The following ANKRD10 variants were observed in gnomAD, a reference collection of about 807,000 sequenced individuals.
The protein encoded by ANKRD10 is ankyrin repeat domain 10.
ANKRD10 carries 14 observed loss-of-function variants against 27.0 expected under a neutral mutation model. That is an observed-to-expected ratio of 0.52 (90% CI 0.34 to 0.81). The LOEUF is 0.81. Among genes scored for constraint, ANKRD10 ranks in the 40% least tolerant of loss-of-function variants. The pLI is 0.01. For synonymous variants in ANKRD10, 250 were observed against 224.5 expected, an observed-to-expected ratio of 1.11 and a Z score of -1.01; for missense variants, 493 against 544.0, an observed-to-expected ratio of 0.91 and a Z score of 0.93.
chr13:110,894,782 A>C (rs1050172602), intron 3 of ANKRD10: 1 of 152,210 alleles, frequency 6.6e-6, no homozygotes. Context: ...ATGAATGGCC[A>C]TGAGTATTTT....
At chr13:110,880,264 A>C in intron 5 of ANKRD10, 152 bp from the exon 6 acceptor site, 1 of 687,638 alleles carries the variant, frequency 1.5e-6, no homozygotes, top group Non-Finnish European at 2.4e-6. Context: ...ATCAATGTGC[A>C]TAAGTAGACT....
intron 1 of ANKRD10, 197 bp downstream of exon 1, chr13:110,914,528 C>T: frequency 4.4e-6 from 3 of 688,320 alleles, no homozygotes; most frequent in Non-Finnish European, 6.0e-6. Flanking sequence ...CCCCGCGCCC[C>T]CCGGCTGCCC....
chr13:110,897,312 T>TG (rs2065253879), intron 3 of ANKRD10, among the ~76,000 whole-genome samples: 1 of 129,966 alleles, frequency 7.7e-6, no homozygotes, highest in African/African-American at 2.7e-5. Context: ...TTTTTTTTTT[T>TG]AATTTTGAGA....
chr13:110,900,077 T>C (rs930810728), intron 3 of ANKRD10, among the ~76,000 whole-genome samples: 4 of 135,734 alleles, frequency 2.9e-5, no homozygotes, highest in Non-Finnish European at 1.7e-5. Flanking sequence ...CTAAGAATTC[T>C]CCCCCAAAGA....
Position 110,893,020 on chromosome 13 carries a change from G to C in ANKRD10, c.691+8C>G. 1 of 1,613,378 alleles carries C rather than the reference G, an allele frequency of 6.2e-7. No individual in the cohort carries two copies. The highest frequency in any genetic ancestry group is 8.5e-7 in the Non-Finnish European group (1 of 1,179,692). ...AGTGTGCTCTTCCCACCCGCAAAGC[G>C]GTCTCACCTTCAGTTCTAGCTTTCT... On this transcript the variant is annotated splice_region_variant and intron_variant, in intron 4 of 5. Coordinates refer to ENST00000267339, the MANE Select transcript of ANKRD10 (RefSeq NM_017664.4).
intron 3 of ANKRD10, among the ~76,000 whole-genome samples, chr13:110,903,111 A>C (rs1245254626): frequency 6.6e-6 from 1 of 152,222 alleles, no homozygotes; most frequent in African/African-American, 2.4e-5. Flanking sequence ...ATGAGATGAC[A>C]ATCTTTTTGT....
chr13:110,891,008 C>A (rs1011489030), intron 4 of ANKRD10, among the ~76,000 whole-genome samples: 2 of 148,252 alleles, frequency 1.3e-5, no homozygotes, highest in Admixed American at 6.7e-5. Context: ...TTCAACTGAC[C>A]TTAGAAACTC....
At position 110,907,562 on chromosome 13, in the gene ANKRD10, G is replaced by C. The variant is rs537787590; in HGVS notation, c.364-1438C>G. Reference sequence around the variant, plus strand: ...TTACAGAAAAATAAGAGTATGAAAGGCTCGAGTGCTTGGTAGAGGGAAAAG... The same window carrying C: ...TTACAGAAAAATAAGAGTATGAAAGCCTCGAGTGCTTGGTAGAGGGAAAAG... On this transcript the variant is annotated intron_variant, in intron 2 of 5. Coordinates refer to ENST00000267339, the MANE Select transcript of ANKRD10 (RefSeq NM_017664.4). Among the ~76,000 whole-genome samples, 24 of 152,252 alleles carry C rather than the reference G, an allele frequency of 1.6e-4. No individual in the cohort carries two copies. The South Asian group carries it at 5.0e-3, about 32-fold the overall frequency.
At chr13:110,913,307 A>AG (rs1382753145) in intron 1 of ANKRD10, among the ~76,000 whole-genome samples, 2 of 152,238 alleles carry the variant, frequency 1.3e-5, no homozygotes, top group African/African-American at 4.8e-5. Context: ...GGAAATCCTC[A>AG]GATTACTGAC....
In ANKRD10 at chr13:110,914,710, A is replaced by C. The variant is rs757683773; in HGVS notation, c.210+15T>G. 3.2e-5 allele frequency: 50 copies of C among 1,562,330 alleles called. 1 individual carries two copies. The East Asian group carries it at 1.2e-3, about 38-fold the overall frequency. On this transcript the variant is annotated intron_variant, in intron 1 of 5. Coordinates refer to ENST00000267339, the MANE Select transcript of ANKRD10 (RefSeq NM_017664.4). Reference sequence around the variant, plus strand: ...ACAGCCGGGGAAAATGGCGCCTTAAAGCGTTCGCACCCACCTTGCCGAAAT... The same window carrying C: ...ACAGCCGGGGAAAATGGCGCCTTAACGCGTTCGCACCCACCTTGCCGAAAT...
intron 3 of ANKRD10, among the ~76,000 whole-genome samples, chr13:110,899,541 C>G (rs556561611): frequency 1.3e-5 from 2 of 152,314 alleles, no homozygotes; most frequent in East Asian, 1.9e-4. Flanking sequence ...GAGGTTCAAA[C>G]TGGTTCTAGT....
At chr13:110,890,543 T>C (rs1249256717) in intron 4 of ANKRD10, among the ~76,000 whole-genome samples, 3 of 152,184 alleles carry the variant, frequency 2.0e-5, no homozygotes, top group Non-Finnish European at 2.9e-5. Flanking sequence ...AGGAAATTAG[T>C]AAAGTCATGG....
intron 4 of ANKRD10, among the ~76,000 whole-genome samples, chr13:110,886,938 T>C (rs2064946881): frequency 6.6e-6 from 1 of 152,158 alleles, no homozygotes; most frequent in African/African-American, 2.4e-5. Flanking sequence ...CAGGTGTCTG[T>C]TGGGAAGACA....
chr13:110,910,725 C>T lies in ANKRD10; in HGVS notation c.256G>A (p.Val86Ile), dbSNP rs761519788. Residue 86 changes from valine to isoleucine, a missense_variant, in exon 2 of 6, where the codon GTC becomes ATC. Val to Ile is a conservative substitution (Grantham distance 29, BLOSUM62 3). Transcript: ENST00000267339. The stretch of plus-strand genomic sequence containing the variant: ...GTCTGCGCGTACCGTGTGGTGGAGA[C>T]GTTGAGTGTGGCTCCCGCTCTCACC... ...QLVRAGATLN[V>I]STTRYAQTPA... 15 of 1,614,162 alleles carry T rather than the reference C, an allele frequency of 9.3e-6. No homozygotes were observed. The highest frequency in any genetic ancestry group is 4.0e-5 in the African/African-American group (3 of 75,030).
intron 2 of ANKRD10, among the ~76,000 whole-genome samples, chr13:110,906,763 A>G (rs971631039): frequency 1.3e-5 from 2 of 152,124 alleles, no homozygotes; most frequent in African/African-American, 2.4e-5. Flanking sequence ...GAAGAACACA[A>G]AGGTAAAGCA....
In ANKRD10 at chr13:110,879,550, G is replaced by A; in HGVS notation, c.*87C>T. ...AGTATATAAAAAACGTACAAGTTGTGACATTCGTTCAAGTTGCTGCTACAT... is the reference window on the plus strand; with the variant it reads ...AGTATATAAAAAACGTACAAGTTGTAACATTCGTTCAAGTTGCTGCTACAT... On this transcript the variant is annotated 3_prime_UTR_variant, in exon 6 of 6. Coordinates refer to ENST00000267339, the MANE Select transcript of ANKRD10 (RefSeq NM_017664.4). 2.0e-6 allele frequency: 2 copies of A among 995,522 alleles called. No homozygotes were observed. The highest frequency in any genetic ancestry group is 1.5e-6 in the Non-Finnish European group (1 of 669,592). 61.7% of individuals were successfully genotyped at this position (995,522 alleles called of 1,614,324 possible).
intron 2 of ANKRD10, among the ~76,000 whole-genome samples, chr13:110,910,241 C>A (rs549365064): frequency 6.6e-6 from 1 of 152,336 alleles, no homozygotes; most frequent in Non-Finnish European, 1.5e-5. Context: ...TTGGAGCTGA[C>A]TTAATAGCCA....
chr13:110,914,962 G>T lies in ANKRD10; in HGVS notation c.-28C>A. 1.3e-6 allele frequency: 2 copies of T among 1,523,422 alleles called. No individual in the cohort carries two copies. The highest frequency in any genetic ancestry group is 1.8e-6 in the Non-Finnish European group (2 of 1,140,918). The allele number at this position is 1,523,422 out of a possible 1,614,324, so 94.4% of individuals were successfully genotyped here. On this transcript the variant is annotated 5_prime_UTR_variant, in exon 1 of 6. Coordinates refer to ENST00000267339, the MANE Select transcript of ANKRD10 (RefSeq NM_017664.4). Reference sequence around the variant, plus strand: ...TCCGTCACCGGAGAGCGCGGGGCTCGCTGGCCTAGAGGACGCGTCGGGGAG... The same window carrying T: ...TCCGTCACCGGAGAGCGCGGGGCTCTCTGGCCTAGAGGACGCGTCGGGGAG...
intron 3 of ANKRD10, among the ~76,000 whole-genome samples, chr13:110,902,359 C>G (rs2065408581): frequency 1.1e-5 from 1 of 88,296 alleles, no homozygotes; most frequent in South Asian, 3.7e-4. Context: ...AGACAGGGCT[C>G]TATGGTAAAC....
Sources: allele counts gnomAD v4.1 joint callset (sites outside exome capture counted in the v4.1 genomes callset), GRCh38; gene constraint gnomAD v4.1.1; transcripts MANE v1.5; gene names NCBI Gene and HGNC (gene_info 2026-07-23, HGNC 2026-07-21).